FAM184B: variants seen among roughly 807,000 people sequenced by gnomAD.
FAM184B encodes the protein protein FAM184B.
FAM184B carries 111 observed loss-of-function variants against 135.9 expected under a neutral mutation model. The observed-to-expected ratio is 0.82, with a 90% CI of 0.70 to 0.96. The LOEUF (loss-of-function observed/expected upper bound fraction) is 0.96. Among genes scored for constraint, FAM184B ranks in the 40% least tolerant of loss-of-function variants. The pLI, the probability that FAM184B is intolerant of heterozygous loss-of-function variation, is 0.00. For missense variants in FAM184B, 1,375 were observed against 1,323.9 expected (o/e 1.04, Z -0.60); for synonymous variants, 552 against 524.8 (o/e 1.05, Z -0.71).
rs1715240958 is a variant in FAM184B, at chr4:17,639,346, A to G, written c.2570T>C (p.Leu857Pro). Reference protein sequence around the residue: ...QAQRAREVETLRQEHRKEMQA... With the variant: ...QAQRAREVETPRQEHRKEMQA... The stretch of plus-strand genomic sequence containing the variant: ...CATCTCCTTCCGGTGTTCCTGGCGC[A>G]GTGTCTCCACCTCCCTGGCCCGCTG... The change falls in exon 14 of 18, where the codon CTG becomes CCG. Residue 857 changes from leucine (L) to proline (P), a missense_variant. By Grantham distance (98) the Leu-to-Pro change is moderately conservative. Coordinates refer to ENST00000265018, the MANE Select transcript of FAM184B (RefSeq NM_015688.2). 2 of 1,551,582 alleles carry G rather than the reference A, an allele frequency of 1.3e-6. No homozygotes were observed. The highest frequency in any genetic ancestry group is 1.7e-6 in the Non-Finnish European group (2 of 1,147,000).
intron 8 of FAM184B, among the ~76,000 whole-genome samples, chr4:17,662,672 G>A (rs931152312): frequency 2.0e-5 from 3 of 152,240 alleles, no homozygotes; most frequent in African/African-American, 7.2e-5. Flanking sequence ...ATACCTAAAA[G>A]TGGAACTGCT....
In FAM184B at chr4:17,781,295, G is replaced by C; in HGVS notation, c.5C>G (p.Ala2Gly). Residue 2 changes from alanine (A) to glycine (G), a missense_variant, in exon 1 of 18, where the codon GCT (alanine) becomes GGT (glycine). Ala to Gly is a moderately conservative substitution (Grantham distance 60). Coordinates refer to ENST00000265018, the MANE Select transcript of FAM184B (RefSeq NM_015688.2). The surrounding 1 kb of genome is among the most constrained non-coding windows in gnomAD (Gnocchi z 6.5). M[A>G]SALNSKINPP... ...GTTAATTTTGCTGTTGAGAGCAGAAGCCATCGCTAAAACGCGCCCAGCACT... is the reference window on the plus strand; with the variant it reads ...GTTAATTTTGCTGTTGAGAGCAGAACCCATCGCTAAAACGCGCCCAGCACT... 1.3e-6 allele frequency: 2 copies of C among 1,533,752 alleles called. No individual in the cohort carries two copies. Among genetic ancestry groups the C allele is most frequent in the South Asian group, 2.4e-5 (2 of 82,728 alleles).
intron 13 of FAM184B, 30 bp from the exon 14 acceptor site, chr4:17,639,426 G>T: frequency 1.3e-6 from 2 of 1,549,512 alleles, no homozygotes; most frequent in Non-Finnish European, 1.7e-6. Context: ...AGCCAGGCTT[G>T]CCCAGCTCCA....
At chr4:17,684,124 A>G (rs1577259426) in intron 7 of FAM184B, among the ~76,000 whole-genome samples, 1 of 146,392 alleles carries the variant, frequency 6.8e-6, no homozygotes, top group African/African-American at 2.5e-5. Flanking sequence ...ATAATTATAT[A>G]TAAAATAATT....
intron 5 of FAM184B, among the ~76,000 whole-genome samples, chr4:17,701,441 C>A (rs368074600): frequency 2.0e-5 from 3 of 152,170 alleles, no homozygotes; most frequent in Admixed American, 6.5e-5. Context: ...AACAACAGAG[C>A]TGAGGTCAGG....
At chr4:17,746,675 T>C (rs937899379) in intron 1 of FAM184B, among the ~76,000 whole-genome samples, 3 of 148,688 alleles carry the variant, frequency 2.0e-5, no homozygotes, top group Non-Finnish European at 4.4e-5. Context: ...GAGCTTGCAG[T>C]GAGCTGAGAT....
chr4:17,648,927 A>G (rs1715537150), intron 11 of FAM184B, among the ~76,000 whole-genome samples: 1 of 152,172 alleles, frequency 6.6e-6, no homozygotes, highest in Non-Finnish European at 1.5e-5. Context: ...TTCAAAATGA[A>G]TATTTTCTGA....
rs148182617 is a variant in FAM184B, at chr4:17,710,302, C to T, written c.142-658G>A. On this transcript the variant is annotated intron_variant, in intron 1 of 17. Coordinates refer to ENST00000265018, the MANE Select transcript of FAM184B (RefSeq NM_015688.2). ...TCACACCATTGCACTCCAGCCTGGG[C>T]AAAAAAGAGTGAAACTCCATCACAA... 2.7e-3 allele frequency among the ~76,000 whole-genome samples: 406 copies of T among 150,214 alleles called. 4 individuals carry two copies. The highest frequency in any genetic ancestry group is 0.024 in the Admixed American group (360 of 15,008).
chr4:17,658,485 C>T lies in FAM184B; in HGVS notation c.1902G>A (p.Ser634=), dbSNP rs545572175. 2.6e-5 allele frequency: 41 copies of T among 1,551,518 alleles called. No homozygotes were observed. In the African/African-American group the frequency reaches 3.3e-4, roughly 12 times the overall value. Residue 634 remains serine, a synonymous_variant, in exon 10 of 18, where the codon TCG becomes TCA. Coordinates refer to ENST00000265018, the MANE Select transcript of FAM184B (RefSeq NM_015688.2). ...GCTGCAGCTTCTCCCTCTCCAGGTC[C>T]GAGAGCTGCTTGAGTGCCTGCAGGT... ...REDLQALKQL[S]DLEREKLQRE...
At chr4:17,759,506 CT>C (rs917951232) in intron 1 of FAM184B, among the ~76,000 whole-genome samples, 1 of 146,210 alleles carries the variant, frequency 6.8e-6, no homozygotes, top group Non-Finnish European at 1.5e-5. Flanking sequence ...TTTCTTTTTT[CT>C]TTTTTCTTTT....
chr4:17,777,240 A>G (rs1334451553), intron 1 of FAM184B, among the ~76,000 whole-genome samples: 1 of 152,218 alleles, frequency 6.6e-6, no homozygotes, highest in Non-Finnish European at 1.5e-5. Flanking sequence ...AGATGGAAAG[A>G]ATAATTTATT....
chr4:17,635,326 G>A (rs1432225915), intron 15 of FAM184B, among the ~76,000 whole-genome samples: 1 of 152,196 alleles, frequency 6.6e-6, no homozygotes, highest in Non-Finnish European at 1.5e-5. Context: ...AAAAGGGCAA[G>A]CTGATGCCTT....
chr4:17,730,715 C>T (rs1717756234), intron 1 of FAM184B, among the ~76,000 whole-genome samples: 1 of 152,132 alleles, frequency 6.6e-6, no homozygotes, highest in Non-Finnish European at 1.5e-5. Context: ...TCCTCACCAG[C>T]AATGGAACAA....
chr4:17,707,549 T>C (rs1207803661), intron 3 of FAM184B, 100 bp downstream of exon 3: 3 of 1,463,404 alleles, frequency 2.1e-6, no homozygotes, highest in Non-Finnish European at 2.8e-6. Context: ...GCCCTGCCCC[T>C]CCTCTCTGCT....
intron 1 of FAM184B, among the ~76,000 whole-genome samples, chr4:17,765,198 C>A (rs189209459): frequency 3.0e-4 from 45 of 152,214 alleles, no homozygotes; most frequent in Middle Eastern, 6.8e-3. Context: ...TTGTAGTTAC[C>A]GAGTCAGGAC....
intron 4 of FAM184B, 101 bp downstream of exon 4, chr4:17,705,651 G>A (rs1311462456): frequency 1.5e-6 from 2 of 1,375,066 alleles, no homozygotes; most frequent in African/African-American, 2.9e-5. Flanking sequence ...CTGATTCCAA[G>A]TGGATCCACT....
chr4:17,757,727 T>G (rs947822205), intron 1 of FAM184B, among the ~76,000 whole-genome samples: 2 of 147,622 alleles, frequency 1.4e-5, no homozygotes, highest in African/African-American at 5.4e-5. Context: ...TACACATATT[T>G]GAAATTTTCA....
intron 7 of FAM184B, among the ~76,000 whole-genome samples, chr4:17,676,816 TACA>T (rs1216661672): frequency 1.3e-5 from 2 of 152,184 alleles, no homozygotes; most frequent in East Asian, 3.9e-4. Context: ...TTTTGTACAG[TACA>T]GTAATATGCT....
intron 1 of FAM184B, among the ~76,000 whole-genome samples, chr4:17,756,614 G>A (rs1289898209): frequency 6.6e-6 from 1 of 152,160 alleles, no homozygotes; most frequent in East Asian, 1.9e-4. Context: ...TCTCTTGATA[G>A]AAGTGTTTTA....
Sources: allele counts gnomAD v4.1 joint callset (sites outside exome capture counted in the v4.1 genomes callset), GRCh38; gene constraint gnomAD v4.1.1; non-coding constraint Gnocchi (gnomAD v3.1); transcripts MANE v1.5; gene names NCBI Gene and HGNC (gene_info 2026-07-23, HGNC 2026-07-21).